Variants in DNAJC3 observed in about 807,000 individuals in gnomAD.
DNAJC3 encodes the protein DnaJ heat shock protein family (Hsp40) member C3.
A neutral mutation model predicts 68.6 loss-of-function variants in DNAJC3; 38 were observed. The ratio of observed to expected loss-of-function variants is 0.55; its 90% CI spans 0.43 to 0.73. The LOEUF is 0.73. Ranked by LOEUF, DNAJC3 falls within the 30% of genes least tolerant of loss-of-function variation. DNAJC3 has a pLI of 0.00. For missense variants in DNAJC3, 526 were observed against 591.9 expected, an observed-to-expected ratio of 0.89 and a Z score of 1.16; for synonymous variants, 203 against 204.0, an observed-to-expected ratio of 1.00 and a Z score of 0.04.
intron 4 of DNAJC3, among the ~76,000 whole-genome samples, chr13:95,725,806 T>C (rs902010186): frequency 3.4e-5 from 5 of 146,562 alleles, no homozygotes; most frequent in Admixed American, 1.3e-4. Context: ...GTATATCTCC[T>C]AATGCTATCC....
chr13:95,686,491 C>T (rs1880076955), intron 1 of DNAJC3, among the ~76,000 whole-genome samples: 1 of 152,170 alleles, frequency 6.6e-6, no homozygotes, highest in Non-Finnish European at 1.5e-5. Context: ...GGGTCTTCGT[C>T]ATAAGTTGTT....
At chr13:95,684,826 C>G (rs1880028402) in intron 1 of DNAJC3, among the ~76,000 whole-genome samples, 1 of 152,240 alleles carries the variant, frequency 6.6e-6, no homozygotes, top group African/African-American at 2.4e-5. Context: ...CGGTGCCAGC[C>G]CAAACCCTTG....
intron 1 of DNAJC3, among the ~76,000 whole-genome samples, chr13:95,684,674 A>G (rs1206124801): frequency 3.3e-5 from 5 of 152,234 alleles, no homozygotes; most frequent in Non-Finnish European, 7.3e-5. Flanking sequence ...AGCTCCTTCT[A>G]TCATAGGCCC....
intron 1 of DNAJC3, among the ~76,000 whole-genome samples, chr13:95,705,032 AG>A (rs1380610713): frequency 6.6e-6 from 1 of 151,938 alleles, no homozygotes; most frequent in East Asian, 1.9e-4. Context: ...CTGTATTTTT[AG>A]TAGAGATGGG....
At chr13:95,735,968 G>A (rs535119011) in intron 4 of DNAJC3, among the ~76,000 whole-genome samples, 27 of 152,286 alleles carry the variant, frequency 1.8e-4, no homozygotes, top group African/African-American at 3.9e-4. Flanking sequence ...TAACGTTTAA[G>A]TCTTTAATCC....
At chr13:95,746,728 T>C (rs1375122783) in intron 4 of DNAJC3, among the ~76,000 whole-genome samples, 2 of 152,226 alleles carry the variant, frequency 1.3e-5, no homozygotes, top group East Asian at 1.9e-4. Context: ...AAGCATTTCA[T>C]CTTACTAATG....
chr13:95,758,607 G>T (rs1289909438), intron 5 of DNAJC3, among the ~76,000 whole-genome samples: 1 of 133,418 alleles, frequency 7.5e-6, no homozygotes, highest in African/African-American at 3.1e-5. Flanking sequence ...CACAGAGTGA[G>T]ACTCCGTCTC....
chr13:95,738,240 C>A (rs1881999530), intron 4 of DNAJC3, among the ~76,000 whole-genome samples: 1 of 149,800 alleles, frequency 6.7e-6, no homozygotes, highest in African/African-American at 2.5e-5. Flanking sequence ...GCTTTACTTC[C>A]CAGTATGTGG....
At chr13:95,747,373 C>T (rs1018076233) in intron 4 of DNAJC3, among the ~76,000 whole-genome samples, 3 of 152,146 alleles carry the variant, frequency 2.0e-5, no homozygotes, top group Non-Finnish European at 4.4e-5. Context: ...AAGGAGGTTA[C>T]TTGCTTGAAA....
chr13:95,776,479 T>C (rs1020390707), intron 9 of DNAJC3, among the ~76,000 whole-genome samples: 1 of 152,178 alleles, frequency 6.6e-6, no homozygotes, highest in Non-Finnish European at 1.5e-5. Flanking sequence ...TGGGCTTTCC[T>C]TTTTGAGCCA....
In DNAJC3 at chr13:95,791,330, A is replaced by T. The variant is rs77963369; in HGVS notation, c.*300A>T. 1 of 293,184 alleles carries T rather than the reference A, an allele frequency of 3.4e-6. No individual in the cohort carries two copies. Among genetic ancestry groups the T allele is most frequent in the Admixed American group, 5.2e-5 (1 of 19,244 alleles). 18.2% of individuals were successfully genotyped at this position (293,184 alleles called of 1,614,324 possible). ...TGGAAGTGCTCACGTATTCTGTATT[A>T]TTTTTCTACACTGGAGCTGAGATTC... On this transcript the variant is annotated 3_prime_UTR_variant, in exon 12 of 12. Transcript: ENST00000602402.
intron 4 of DNAJC3, among the ~76,000 whole-genome samples, chr13:95,726,969 C>A (rs73550589): frequency 6.6e-6 from 1 of 152,130 alleles, no homozygotes; most frequent in Non-Finnish European, 1.5e-5. Context: ...TCAATAAAAT[C>A]GGCTGTCATT....
chr13:95,790,912 A>C lies in DNAJC3; in HGVS notation c.1397A>C (p.Asp466Ala), dbSNP rs1466322871. Residue 466 changes from aspartate to alanine, a missense_variant, in exon 12 of 12, where the codon GAT becomes GCT. Transcript: ENST00000602402. ...TTTGACGACGGAGAAGATCCTTTGG[A>C]TGCAGAGAGCCAGCAAGGAGGCGGC... is the stretch of plus-strand genomic sequence containing the variant. ...KKFDDGEDPLDAESQQGGGGN... is the reference protein window; with the variant it reads ...KKFDDGEDPLAAESQQGGGGN... The C allele has an allele frequency of 6.2e-7, 1 of 1,606,944 alleles. No individual in the cohort carries two copies. The highest frequency in any genetic ancestry group is 1.7e-5 in the Admixed American group (1 of 57,498).
intron 9 of DNAJC3, among the ~76,000 whole-genome samples, chr13:95,766,288 G>A (rs986060620): frequency 6.6e-6 from 1 of 152,098 alleles, no homozygotes; most frequent in African/African-American, 2.4e-5. Flanking sequence ...AGGAAACAGG[G>A]GATTCCACTC....
intron 7 of DNAJC3, among the ~76,000 whole-genome samples, chr13:95,761,475 T>A (rs1265704555): frequency 6.6e-6 from 1 of 152,190 alleles, no homozygotes; most frequent in Non-Finnish European, 1.5e-5. Context: ...GCTTTGTAAG[T>A]TGCCATCATG....
intron 2 of DNAJC3, among the ~76,000 whole-genome samples, chr13:95,711,175 C>T (rs757101539): frequency 2.6e-5 from 4 of 152,106 alleles, no homozygotes; most frequent in Non-Finnish European, 5.9e-5. Flanking sequence ...GCTCTCTGAA[C>T]TCATAGGAAA....
chr13:95,758,281 G>T (rs1279922894), intron 5 of DNAJC3, among the ~76,000 whole-genome samples: 1 of 151,998 alleles, frequency 6.6e-6, no homozygotes, highest in African/African-American at 2.4e-5. Flanking sequence ...TCGCTGCAGT[G>T]AGCTGTGATT....
intron 1 of DNAJC3, among the ~76,000 whole-genome samples, chr13:95,705,093 C>T (rs1880695614): frequency 6.6e-6 from 1 of 151,986 alleles, no homozygotes; most frequent in Admixed American, 6.5e-5. Flanking sequence ...CTCAGGTGAT[C>T]TGTCCGCCTA....
In DNAJC3 at chr13:95,731,179, T is replaced by C. The variant is rs999893896; in HGVS notation, c.393+5927T>C. 2.6e-5 allele frequency among the ~76,000 whole-genome samples: 4 copies of C among 151,894 alleles called. No homozygotes were observed. In the East Asian group the frequency reaches 5.8e-4, roughly 22 times the overall value. The stretch of plus-strand genomic sequence containing the variant: ...CTGCACTTTACTGAATTAAAAAAAA[T>C]AGTTCTGAGAGTTTATTTTGGATTT... On this transcript the variant is annotated intron_variant, in intron 4 of 11. Coordinates refer to ENST00000602402, the MANE Select transcript of DNAJC3 (RefSeq NM_006260.5).
Sources: allele counts gnomAD v4.1 joint callset (sites outside exome capture counted in the v4.1 genomes callset), GRCh38; gene constraint gnomAD v4.1.1; transcripts MANE v1.5; gene names NCBI Gene and HGNC (gene_info 2026-07-23, HGNC 2026-07-21).